The following CNTLN variants were observed in gnomAD, a reference collection of about 807,000 sequenced individuals.
CNTLN encodes the protein centlein, centrosomal protein.
A neutral mutation model predicts 180.0 loss-of-function variants in CNTLN; 212 were observed. That is an observed-to-expected ratio of 1.18 (90% CI 1.05 to 1.32). The LOEUF (loss-of-function observed/expected upper bound fraction) is 1.32. CNTLN is among the 40% of genes most tolerant of loss of function. CNTLN has a pLI of 0.00. For synonymous variants in CNTLN, 722 were observed against 563.1 expected (o/e 1.28, Z -3.99); for missense variants, 2,095 against 1,610.9 (o/e 1.30, Z -5.14).
chr9:17,252,421 C>G (rs1406342946), intron 5 of CNTLN, among the ~76,000 whole-genome samples: 1 of 151,446 alleles, frequency 6.6e-6, no homozygotes, highest in Non-Finnish European at 1.5e-5. Flanking sequence ...TTTTCTGTCC[C>G]TTTAATAATA....
intron 12 of CNTLN, 47 bp from the exon 13 acceptor site, chr9:17,366,570 A>T (rs4961548): frequency 0.59 from 543,001 of 915,558 alleles, 164,169 homozygotes; most frequent in East Asian, 0.72. Flanking sequence ...TGATTTTTTT[A>T]AATAAAACAA....
At chr9:17,462,109 G>A (rs919249321) in intron 19 of CNTLN, among the ~76,000 whole-genome samples, 5 of 151,700 alleles carry the variant, frequency 3.3e-5, no homozygotes, top group South Asian at 2.1e-4. Flanking sequence ...AAACTATCCC[G>A]AAACATCGTG....
chr9:17,312,364 T>TATATTA (rs369729227), intron 8 of CNTLN, among the ~76,000 whole-genome samples: 585 of 19,978 alleles, frequency 0.029, 18 homozygotes, highest in East Asian at 0.25. Flanking sequence ...TATATATATA[T>TATATTA]TATATATATA....
chr9:17,353,673 C>T lies in CNTLN; in HGVS notation c.1886+11229C>T, dbSNP rs1433340230. 3.3e-5 allele frequency among the ~76,000 whole-genome samples: 5 copies of T among 150,320 alleles called. No homozygotes were observed. In the East Asian group the frequency reaches 8.2e-4, roughly 25 times the overall value. ...GAAGTGCAGTGGTGTGATCTTGGCT[C>T]ACTGCAACCTCTGCCTCTTGGTTTC... On this transcript the variant is annotated intron_variant, in intron 12 of 25. Coordinates refer to ENST00000380647, the MANE Select transcript of CNTLN (RefSeq NM_017738.4).
chr9:17,232,774 A>G (rs1322545119), intron 3 of CNTLN, among the ~76,000 whole-genome samples: 1 of 152,038 alleles, frequency 6.6e-6, no homozygotes, highest in Non-Finnish European at 1.5e-5. Context: ...TAATATAGAT[A>G]ATACAAAAAT....
chr9:17,513,200 T>C, the CNTLN span, among the ~76,000 whole-genome samples: 1 of 152,058 alleles, frequency 6.6e-6, no homozygotes. Context: ...CAATTTTGAC[T>C]CTTTTAAACC....
chr9:17,205,058 G>A (rs945213020), intron 2 of CNTLN, among the ~76,000 whole-genome samples: 2 of 152,098 alleles, frequency 1.3e-5, no homozygotes, highest in Non-Finnish European at 2.9e-5. Flanking sequence ...ATCATCCCAG[G>A]TCGACTTCAG....
chr9:17,207,789 A>G (rs1440103364), intron 2 of CNTLN, among the ~76,000 whole-genome samples: 4 of 152,014 alleles, frequency 2.6e-5, no homozygotes, highest in Non-Finnish European at 5.9e-5. Context: ...CTATTTGGCT[A>G]TCTTTTCCCC....
chr9:17,404,621 G>A lies in CNTLN; in HGVS notation c.2616-4672G>A, dbSNP rs563351230. On this transcript the variant is annotated intron_variant, in intron 15 of 25. Coordinates refer to ENST00000380647, the MANE Select transcript of CNTLN (RefSeq NM_017738.4). ...CAGAGAATTCATTATACACCTGTTAGTACTCCTTTACCTAGTAGTCCTCTG... is the reference window on the plus strand; with the variant it reads ...CAGAGAATTCATTATACACCTGTTAATACTCCTTTACCTAGTAGTCCTCTG... Among the ~76,000 whole-genome samples, 157 of 151,846 alleles carry A rather than the reference G, an allele frequency of 1.0e-3. 4 individuals carry two copies. Among genetic ancestry groups the A allele is most frequent in the African/African-American group, 3.6e-3 (150 of 41,204 alleles).
chr9:17,440,332 G>A (rs1265457048), intron 18 of CNTLN, among the ~76,000 whole-genome samples: 1 of 151,706 alleles, frequency 6.6e-6, no homozygotes, highest in Non-Finnish European at 1.5e-5. Flanking sequence ...CCAGCACTTT[G>A]GGAGGCCGAG....
At chr9:17,190,219 C>A (rs1282960126) in intron 2 of CNTLN, among the ~76,000 whole-genome samples, 3 of 149,756 alleles carry the variant, frequency 2.0e-5, no homozygotes, top group Non-Finnish European at 3.0e-5. Flanking sequence ...GGATCACAGC[C>A]CTTTGTTTCC....
chr9:17,389,804 T>C (rs1045541664), intron 14 of CNTLN, among the ~76,000 whole-genome samples: 1 of 152,192 alleles, frequency 6.6e-6, no homozygotes, highest in African/African-American at 2.4e-5. Context: ...AATTGTGTCC[T>C]GTCCCCCACA....
At chr9:17,464,928 G>A (rs1468200739) in intron 21 of CNTLN, among the ~76,000 whole-genome samples, 1 of 150,974 alleles carries the variant, frequency 6.6e-6, no homozygotes. Flanking sequence ...ATTTAAAACT[G>A]TAATTTATGA....
At chr9:17,323,531 C>T (rs950475477) in intron 8 of CNTLN, among the ~76,000 whole-genome samples, 2 of 152,148 alleles carry the variant, frequency 1.3e-5, no homozygotes, top group Non-Finnish European at 2.9e-5. Context: ...GATAAGTTCC[C>T]CAAAGAACCT....
intron 2 of CNTLN, among the ~76,000 whole-genome samples, chr9:17,200,386 G>A (rs936921938): frequency 1.3e-5 from 2 of 152,164 alleles, no homozygotes; most frequent in Non-Finnish European, 1.5e-5. Context: ...GTCAGTGGTA[G>A]TTTGATGGGA....
intron 23 of CNTLN, among the ~76,000 whole-genome samples, chr9:17,479,456 C>T (rs2499051): frequency 0.084 from 12,815 of 152,122 alleles, 712 homozygotes; most frequent in African/African-American, 0.15. Context: ...AAGTGCTGCA[C>T]GGTTCCACTT....
rs200107103 is a variant in CNTLN at position 17,394,787 on chromosome 9, T to A, written c.2333T>A (p.Val778Glu). Residue 778 changes from valine to glutamate, a missense_variant, in exon 15 of 26, where the codon GTG becomes GAG. Physicochemically the swap from Val to Glu is moderately radical, Grantham distance 121. Coordinates refer to ENST00000380647, the MANE Select transcript of CNTLN (RefSeq NM_017738.4). ...ETEVTSLRRQ[V>E]AEANALRNEN... is the part of the protein sequence containing the mutation. ...GAAGTCACTTCCCTGAGGAGACAAG[T>A]GGCAGAAGCTAATGCATTGAGAAAT... The A allele has an allele frequency of 2.6e-5, 42 of 1,613,982 alleles. No individual in the cohort carries two copies. Among genetic ancestry groups the A allele is most frequent in the Non-Finnish European group, 5.1e-6 (6 of 1,179,986 alleles).
At chr9:17,498,319 A>G (rs1371492209) in intron 25 of CNTLN, among the ~76,000 whole-genome samples, 1 of 152,202 alleles carries the variant, frequency 6.6e-6, no homozygotes, top group Admixed American at 6.5e-5. Context: ...CATCATTTAT[A>G]TCATTTATAT....
intron 2 of CNTLN, among the ~76,000 whole-genome samples, chr9:17,218,384 T>C (rs1169663979): frequency 6.6e-6 from 1 of 152,160 alleles, no homozygotes; most frequent in Non-Finnish European, 1.5e-5. Flanking sequence ...TAAAATGTGT[T>C]TGTACAATAT....
Sources: allele counts gnomAD v4.1 joint callset (sites outside exome capture counted in the v4.1 genomes callset), GRCh38; gene constraint gnomAD v4.1.1; transcripts MANE v1.5; gene names NCBI Gene and HGNC (gene_info 2026-07-23, HGNC 2026-07-21).